Variants in CSMD1 observed in about 807,000 individuals in gnomAD.
The protein encoded by CSMD1 is CUB and Sushi multiple domains 1.
Under a neutral mutation model 417.5 loss-of-function variants are expected in CSMD1, and 213 were observed. That is an observed-to-expected ratio of 0.51 (90% CI 0.46 to 0.57). The LOEUF is 0.57. CSMD1 is among the 20% of genes least tolerant of loss of function. The pLI is 0.00. For missense variants in CSMD1, 6,923 were observed against 4,529.7 expected (o/e 1.53, Z -15.17); for synonymous variants, 2,862 against 1,736.8 (o/e 1.65, Z -16.11).
intron 26 of CSMD1, among the ~76,000 whole-genome samples, chr8:3,257,709 G>A (rs1191034793): frequency 2.6e-5 from 4 of 152,122 alleles, no homozygotes; most frequent in Admixed American, 6.5e-5. Flanking sequence ...TAAACGGTGG[G>A]CCTAGAGCCT....
chr8:4,457,666 G>A (rs1036520407), intron 2 of CSMD1, among the ~76,000 whole-genome samples: 1 of 152,154 alleles, frequency 6.6e-6, no homozygotes, highest in Non-Finnish European at 1.5e-5. Flanking sequence ...GTTAAGCTCA[G>A]ACAATGAAGA....
At chr8:3,433,619 T>C (rs1029537272) in intron 12 of CSMD1, among the ~76,000 whole-genome samples, 6 of 152,174 alleles carry the variant, frequency 3.9e-5, no homozygotes, top group Non-Finnish European at 8.8e-5. Flanking sequence ...GCATCTTCTT[T>C]ATGTCTTGGC....
chr8:4,175,191 A>C (rs184552410), intron 3 of CSMD1, among the ~76,000 whole-genome samples: 2 of 152,136 alleles, frequency 1.3e-5, no homozygotes, highest in Non-Finnish European at 2.9e-5. Flanking sequence ...ATTACTTCTT[A>C]CTGGGGAAAA....
At chr8:4,015,677 A>C (rs1796487396) in intron 4 of CSMD1, among the ~76,000 whole-genome samples, 1 of 151,188 alleles carries the variant, frequency 6.6e-6, no homozygotes, top group Non-Finnish European at 1.5e-5. Context: ...AAAAAAAAAA[A>C]AAAAAACTCA....
At chr8:4,719,394 T>A (rs1768523885) in intron 1 of CSMD1, among the ~76,000 whole-genome samples, 1 of 152,218 alleles carries the variant, frequency 6.6e-6, no homozygotes, top group Non-Finnish European at 1.5e-5. Flanking sequence ...CCTCCCTTCC[T>A]GCCCTATAAT....
chr8:4,199,800 G>A lies in CSMD1; in HGVS notation c.416-167701C>T, dbSNP rs569644475. ...TAACATGCTGTTTAGATAGAAAATC[G>A]GATGACTTTTGTAGGTTTCCACTAG... On this transcript the variant is annotated intron_variant, in intron 3 of 69. Coordinates refer to ENST00000635120, the MANE Select transcript of CSMD1 (RefSeq NM_033225.6). Among the ~76,000 whole-genome samples, 10 of 152,054 alleles carry A rather than the reference G, an allele frequency of 6.6e-5. No homozygotes were observed. The South Asian group carries it at 1.5e-3, about 22-fold the overall frequency.
Position 3,790,626 on chromosome 8 carries a change from A to T in CSMD1, c.819-36584T>A, listed in dbSNP as rs1799682968. 2.0e-5 allele frequency among the ~76,000 whole-genome samples: 3 copies of T among 152,338 alleles called. No individual in the cohort carries two copies. In the South Asian group the frequency reaches 6.2e-4, roughly 32 times the overall value. On this transcript the variant is annotated intron_variant, in intron 5 of 69. Coordinates refer to ENST00000635120, the MANE Select transcript of CSMD1 (RefSeq NM_033225.6). Reference sequence around the variant, plus strand: ...CAATTACATTTCACAATAACAACTTATCAAAACACAAAGAGATAATAGCTG... The same window carrying T: ...CAATTACATTTCACAATAACAACTTTTCAAAACACAAAGAGATAATAGCTG...
chr8:4,104,138 C>G (rs1347812650), intron 3 of CSMD1, among the ~76,000 whole-genome samples: 4 of 152,322 alleles, frequency 2.6e-5, no homozygotes, highest in African/African-American at 9.6e-5. Flanking sequence ...GATTCAGTCC[C>G]TCGTCTGCAG....
chr8:3,519,308 C>T (rs375545977), intron 10 of CSMD1, among the ~76,000 whole-genome samples: 2 of 152,296 alleles, frequency 1.3e-5, no homozygotes, highest in Admixed American at 1.3e-4. Context: ...AAAACAGCTT[C>T]TACTGTTAGC....
chr8:4,802,737 A>G (rs1471769785), intron 1 of CSMD1, among the ~76,000 whole-genome samples: 3 of 152,194 alleles, frequency 2.0e-5, no homozygotes. Context: ...GAATGTTTAA[A>G]TATGTCAACA....
intron 1 of CSMD1, among the ~76,000 whole-genome samples, chr8:4,890,817 C>T (rs1206335632): frequency 6.6e-6 from 1 of 152,090 alleles, no homozygotes; most frequent in Non-Finnish European, 1.5e-5. Flanking sequence ...ACGCTTTTGT[C>T]GACATTAAGA....
chr8:4,799,663 A>T (rs1248924944), intron 1 of CSMD1, among the ~76,000 whole-genome samples: 1 of 149,422 alleles, frequency 6.7e-6, no homozygotes, highest in Non-Finnish European at 1.5e-5. Context: ...TATCTGAAAA[A>T]TTGGGACTTT....
intron 2 of CSMD1, among the ~76,000 whole-genome samples, chr8:4,464,714 G>C (rs561530827): frequency 5.3e-5 from 8 of 151,896 alleles, no homozygotes; most frequent in African/African-American, 7.3e-5. Flanking sequence ...GTGTTTTAAT[G>C]TATCTACACT....
In CSMD1 at chr8:4,343,488, T is replaced by G. The variant is rs573503067; in HGVS notation, c.415+76465A>C. The stretch of plus-strand genomic sequence containing the variant: ...CTTAGCTTGATCATGGTGATGTACA[T>G]GCGTACATGATTCACAATGCATATC... On this transcript the variant is annotated intron_variant, in intron 3 of 69. Coordinates refer to ENST00000635120, the MANE Select transcript of CSMD1 (RefSeq NM_033225.6). 7.2e-5 allele frequency among the ~76,000 whole-genome samples: 11 copies of G among 152,226 alleles called. No individual in the cohort carries two copies. In the East Asian group the frequency reaches 1.9e-3, roughly 27 times the overall value.
At chr8:4,140,005 G>C (rs78482070) in intron 3 of CSMD1, among the ~76,000 whole-genome samples, 45,169 of 150,548 alleles carry the variant, frequency 0.3, 8,412 homozygotes, top group Non-Finnish European at 0.39. Context: ...GAGGTAAATA[G>C]TTCTCCCTGA....
intron 5 of CSMD1, among the ~76,000 whole-genome samples, chr8:3,780,790 G>C (rs1036138990): frequency 6.6e-6 from 1 of 152,294 alleles, no homozygotes; most frequent in Non-Finnish European, 1.5e-5. Flanking sequence ...CTAAAAGAAA[G>C]TAATTCAATC....
chr8:3,583,761 C>A (rs558725669), intron 9 of CSMD1, among the ~76,000 whole-genome samples: 1 of 152,144 alleles, frequency 6.6e-6, no homozygotes, highest in African/African-American at 2.4e-5. Context: ...AAAGGCAGAG[C>A]GTGTGGCTGC....
intron 2 of CSMD1, among the ~76,000 whole-genome samples, chr8:4,479,242 C>T (rs775541310): frequency 3.9e-5 from 6 of 152,078 alleles, no homozygotes; most frequent in Non-Finnish European, 7.4e-5. Flanking sequence ...ATTAATATTG[C>T]CAGCATATTA....
rs143084477 is a variant in CSMD1 at position 4,349,458 on chromosome 8, T to C, written c.415+70495A>G. ...AGTCAGATTTACAACTAGTGATATG[T>C]CTCAGGTTATATAGGTAGAAAATGG... On this transcript the variant is annotated intron_variant, in intron 3 of 69. Coordinates refer to ENST00000635120, the MANE Select transcript of CSMD1 (RefSeq NM_033225.6). 5.4e-3 allele frequency among the ~76,000 whole-genome samples: 828 copies of C among 152,294 alleles called. 8 individuals carry two copies. Among genetic ancestry groups the C allele is most frequent in the African/African-American group, 0.019 (801 of 41,558 alleles).
Sources: allele counts gnomAD v4.1 joint callset (sites outside exome capture counted in the v4.1 genomes callset), GRCh38; gene constraint gnomAD v4.1.1; transcripts MANE v1.5; gene names NCBI Gene and HGNC (gene_info 2026-07-23, HGNC 2026-07-21).